TMEM71: variants seen among roughly 807,000 people sequenced by gnomAD.
TMEM71 encodes the protein transmembrane protein 71.
A neutral mutation model predicts 38.0 loss-of-function variants in TMEM71; 44 were observed. That is an observed-to-expected ratio of 1.16 (90% CI 0.91 to 1.49). TMEM71 has a LOEUF of 1.49. TMEM71 is among the 40% of genes most tolerant of loss of function. The probability of loss-of-function intolerance (pLI) is 0.00; values close to 1 mark genes in which losing one functional copy is unlikely to be tolerated. For synonymous variants in TMEM71, 133 were observed against 122.5 expected, an observed-to-expected ratio of 1.09 and a Z score of -0.56; for missense variants, 367 against 348.6, an observed-to-expected ratio of 1.05 and a Z score of -0.42.
At chr8:132,758,781 G>A in intron 2 of TMEM71, 59 bp downstream of exon 2, 3 of 1,469,518 alleles carry the variant, frequency 2.0e-6, no homozygotes, top group South Asian at 2.3e-5. Context: ...CAAGGAAATT[G>A]CTAAAAGGAG....
At chr8:132,709,794 A>G (rs957983471), downstream of TMEM71, among the ~76,000 whole-genome samples, 4 of 152,156 alleles carry the variant, frequency 2.6e-5, no homozygotes, top group African/African-American at 9.6e-5. Flanking sequence ...CTGTAAAACA[A>G]TAACTTTGTG....
chr8:132,771,541 TTACATATA>T, the TMEM71 span, among the ~76,000 whole-genome samples: 1 of 151,924 alleles, frequency 6.6e-6, no homozygotes, highest in African/African-American at 2.4e-5. Context: ...ACACATAAAC[TTACATATA>T]TACATATATA....
intron 7 of TMEM71, among the ~76,000 whole-genome samples, chr8:132,716,281 A>G (rs1267334667): frequency 1.3e-5 from 2 of 152,202 alleles, no homozygotes; most frequent in Non-Finnish European, 2.9e-5. Context: ...GCAACCTAGC[A>G]GTGACCAGAC....
intron 4 of TMEM71, among the ~76,000 whole-genome samples, chr8:132,748,618 C>T (rs1372965474): frequency 2.0e-5 from 3 of 152,082 alleles, no homozygotes; most frequent in African/African-American, 7.2e-5. Context: ...CTTGTAGGCT[C>T]TAAGATGAGA....
the TMEM71 span, among the ~76,000 whole-genome samples, chr8:132,771,348 G>A: frequency 6.6e-6 from 1 of 152,216 alleles, no homozygotes; most frequent in Non-Finnish European, 1.5e-5. Context: ...ATGGTAATCT[G>A]CACACACACA....
At chr8:132,775,531 C>T in the TMEM71 span, 4 of 372,888 alleles carry the variant, frequency 1.1e-5, no homozygotes, top group Admixed American at 9.2e-5. Context: ...CTCCTGCTCC[C>T]TCCCCGGCCG....
the TMEM71 span, among the ~76,000 whole-genome samples, chr8:132,766,233 T>C: frequency 1.3e-5 from 2 of 152,262 alleles, no homozygotes; most frequent in African/African-American, 2.4e-5. Flanking sequence ...AAATACATAA[T>C]GGCTTTTAAA....
downstream of TMEM71, among the ~76,000 whole-genome samples, chr8:132,707,235 A>C (rs1826107108): frequency 6.6e-6 from 1 of 152,218 alleles, no homozygotes; most frequent in Non-Finnish European, 1.5e-5. Flanking sequence ...AAAACTATAA[A>C]GCAAGATGCA....
chr8:132,742,393 A>G (rs1314291307), intron 5 of TMEM71, among the ~76,000 whole-genome samples: 2 of 152,118 alleles, frequency 1.3e-5, no homozygotes, highest in Non-Finnish European at 2.9e-5. Flanking sequence ...AACCAAAACA[A>G]CAACAAAAAA....
At chr8:132,765,938 G>A in the TMEM71 span, among the ~76,000 whole-genome samples, 1 of 151,414 alleles carries the variant, frequency 6.6e-6, no homozygotes, top group Admixed American at 6.6e-5. Flanking sequence ...ACAGGCACCC[G>A]CCACCAGCTA....
intron 3 of TMEM71, among the ~76,000 whole-genome samples, chr8:132,756,255 G>A (rs1828997217): frequency 6.6e-6 from 1 of 151,620 alleles, no homozygotes; most frequent in African/African-American, 2.4e-5. Context: ...TCGGCCATTG[G>A]TATAGAATTC....
At chr8:132,775,486 G>C in the TMEM71 span, 7 of 376,842 alleles carry the variant, frequency 1.9e-5, no homozygotes. Context: ...GCGAAACCTT[G>C]GGCGGATCCG....
At chr8:132,748,883 G>T (rs1586803042) in intron 4 of TMEM71, among the ~76,000 whole-genome samples, 1 of 152,108 alleles carries the variant, frequency 6.6e-6, no homozygotes, top group East Asian at 1.9e-4. Context: ...CCACCTAATA[G>T]CCCTGTGAGC....
rs147700236 is a variant in TMEM71 at position 132,728,275 on chromosome 8, C to T, written c.488-289G>A. Among the ~76,000 whole-genome samples, 881 of 152,204 alleles carry T rather than the reference C, an allele frequency of 5.8e-3. 9 individuals carry two copies. The highest frequency in any genetic ancestry group is 0.027 in the Middle Eastern group (8 of 294). ...GTTCCACATGGCTGGGGAGGCTTCA[C>T]AATCATGGTGGAAGGCAAGGAGGAG... On this transcript the variant is annotated intron_variant, in intron 5 of 9. Coordinates refer to ENST00000677595, the MANE Select transcript of TMEM71 (RefSeq NM_001382403.1).
chr8:132,706,532 A>G (rs1294143831), downstream of TMEM71, among the ~76,000 whole-genome samples: 1 of 152,088 alleles, frequency 6.6e-6, no homozygotes, highest in Non-Finnish European at 1.5e-5. Flanking sequence ...TGAGGTACAA[A>G]GTATATAGAG....
intron 5 of TMEM71, among the ~76,000 whole-genome samples, chr8:132,733,280 T>C (rs1430242602): frequency 2.0e-5 from 3 of 152,188 alleles, no homozygotes; most frequent in African/African-American, 7.2e-5. Flanking sequence ...ATAGTTAGCA[T>C]TCAGTAAGTT....
Position 132,747,060 on chromosome 8 carries a change from GA to G in TMEM71, c.368del (p.Leu123ProfsTer26). 6.2e-6 allele frequency: 10 copies of G among 1,612,942 alleles called. No homozygotes were observed. The highest frequency in any genetic ancestry group is 8.5e-6 in the Non-Finnish European group (10 of 1,179,624). ...ICHSFSSLFN[L>X]STSKSWLHGS... ...CATGCAGCCAAGATTTGGAGGTACT[GA>G]GGTTGAAGAGAGAAGAAAAGGAATG... On this transcript the variant is annotated frameshift_variant, in exon 5 of 10. Transcript: ENST00000677595. LOFTEE classifies it high-confidence loss of function.
chr8:132,721,938 AG>A, intron 7 of TMEM71, 101 bp downstream of exon 7: 1 of 991,302 alleles, frequency 1.0e-6, no homozygotes, highest in Non-Finnish European at 1.6e-6. Context: ...TCAACCACAG[AG>A]CTACCTAAAA....
the TMEM71 span, among the ~76,000 whole-genome samples, chr8:132,772,491 A>G: frequency 1.3e-5 from 2 of 152,148 alleles, no homozygotes; most frequent in Non-Finnish European, 2.9e-5. Context: ...AGAATTTTGT[A>G]TATCCTGTAT....
Sources: allele counts gnomAD v4.1 joint callset (sites outside exome capture counted in the v4.1 genomes callset), GRCh38; gene constraint gnomAD v4.1.1; transcripts MANE v1.5; gene names NCBI Gene and HGNC (gene_info 2026-07-23, HGNC 2026-07-21).